The following FXYD6 variants were observed in gnomAD, a reference collection of about 807,000 sequenced individuals.
FXYD6 encodes FXYD domain containing ion transport regulator 6, also known as FXYD domain-containing ion transport regulator 6.
FXYD6 carries 7 observed loss-of-function variants against 16.7 expected under a neutral mutation model. The observed-to-expected ratio is 0.42, with a 90% confidence interval of 0.24 to 0.79. FXYD6 has a LOEUF of 0.79. Among genes scored for constraint, FXYD6 ranks in the 30% least tolerant of loss-of-function variants. The probability of loss-of-function intolerance (pLI) is 0.28; values close to 1 mark genes in which losing one functional copy is unlikely to be tolerated. For synonymous variants in FXYD6, 49 were observed against 43.0 expected, an observed-to-expected ratio of 1.14 and a Z score of -0.54; for missense variants, 111 against 116.2, an observed-to-expected ratio of 0.95 and a Z score of 0.21.
At chr11:117,873,382 A>G (rs1399715298) in intron 1 of FXYD6, among the ~76,000 whole-genome samples, 1 of 152,228 alleles carries the variant, frequency 6.6e-6, no homozygotes, top group Non-Finnish European at 1.5e-5. Context: ...ACAGATGCGG[A>G]AACAAAGGTC....
At chr11:117,850,809 TC>T (rs2056593409) in intron 1 of FXYD6, among the ~76,000 whole-genome samples, 1 of 151,970 alleles carries the variant, frequency 6.6e-6, no homozygotes, top group African/African-American at 2.4e-5. Context: ...TTTTTTTTTT[TC>T]TTATTCCTTT....
At chr11:117,843,195 A>G (rs2056396483) in intron 1 of FXYD6, among the ~76,000 whole-genome samples, 1 of 152,316 alleles carries the variant, frequency 6.6e-6, no homozygotes, top group African/African-American at 2.4e-5. Context: ...TCAGCCTCCC[A>G]AAGGGCTGGG....
chr11:117,844,512 T>A (rs1160921710), intron 1 of FXYD6, among the ~76,000 whole-genome samples: 2 of 152,248 alleles, frequency 1.3e-5, no homozygotes, highest in East Asian at 1.9e-4. Flanking sequence ...TTATTTATTT[T>A]GAGACTGAGT....
chr11:117,840,494 G>T, intron 5 of FXYD6, 126 bp from the exon 6 acceptor site: 1 of 1,281,318 alleles, frequency 7.8e-7, no homozygotes, highest in African/African-American at 1.5e-5. Context: ...TGAGGGGCTG[G>T]AGCTCACTCT....
chr11:117,869,867 GT>G (rs2057096954), intron 1 of FXYD6, among the ~76,000 whole-genome samples: 1 of 1,988 alleles, frequency 5.0e-4, no homozygotes, highest in African/African-American at 5.7e-4. Context: ...TGGTCTTTCA[GT>G]GCGTGCCGGC....
chr11:117,850,208 G>C (rs747433123), intron 1 of FXYD6, among the ~76,000 whole-genome samples: 10 of 151,954 alleles, frequency 6.6e-5, no homozygotes, highest in Non-Finnish European at 1.5e-4. Flanking sequence ...CTTGCTTGGT[G>C]GTCTTCTGAA....
intron 1 of FXYD6, among the ~76,000 whole-genome samples, chr11:117,850,067 A>G (rs959329342): frequency 9.2e-5 from 14 of 152,202 alleles, no homozygotes; most frequent in African/African-American, 3.4e-4. Context: ...CTCAGAATGA[A>G]TCTGCCATTT....
At chr11:117,865,079 A>T (rs2056986587) in intron 1 of FXYD6, among the ~76,000 whole-genome samples, 1 of 152,246 alleles carries the variant, frequency 6.6e-6, no homozygotes, top group African/African-American at 2.4e-5. Context: ...TCTCCAAAGA[A>T]GATATACAAA....
chr11:117,840,610 AGGGCCACATG>A (rs1388328784), intron 5 of FXYD6, among the ~76,000 whole-genome samples: 1 of 152,170 alleles, frequency 6.6e-6, no homozygotes, highest in Non-Finnish European at 1.5e-5. Context: ...AGGGGAGGCT[AGGGCCACATG>A]GGGGCTTGGG....
rs1463768788 is a variant in FXYD6 at position 117,849,554 on chromosome 11, G to A, written c.-5-6773C>T. On this transcript the variant is annotated intron_variant, in intron 1 of 7. Transcript: ENST00000526014. ...TAAATTTCTTTTTTTTTTTTTGACT[G>A]TTTATCCTACCAAAAATCAAGATCA... 2.7e-5 allele frequency among the ~76,000 whole-genome samples: 4 copies of A among 147,256 alleles called. 1 individual carries two copies. The South Asian group carries it at 8.6e-4, about 32-fold the overall frequency.
chr11:117,856,029 T>C (rs745880615), intron 1 of FXYD6, among the ~76,000 whole-genome samples: 2 of 152,116 alleles, frequency 1.3e-5, no homozygotes, highest in African/African-American at 2.4e-5. Flanking sequence ...TTTATCTCCA[T>C]ATTGGCAAGC....
At chr11:117,838,336 G>A in intron 7 of FXYD6, 59 bp from the exon 8 acceptor site, 1 of 701,816 alleles carries the variant, frequency 1.4e-6, no homozygotes, top group South Asian at 1.5e-5. Context: ...ATCCTTATCT[G>A]CTTCTCTCCC....
In FXYD6 at chr11:117,872,329, A is replaced by G. The variant is rs1382144134; in HGVS notation, c.-6+4263T>C. 6.6e-6 allele frequency among the ~76,000 whole-genome samples: 1 copy of G among 152,022 alleles called. No individual in the cohort carries two copies. The highest frequency in any genetic ancestry group is 1.9e-4 in the East Asian group (1 of 5,190). Reference sequence around the variant, plus strand: ...TTGCATGGAGGGGCTCTTCCTATGGAGGAAGAAAGTCGCAGGGCCTCCTGG... The same window carrying G: ...TTGCATGGAGGGGCTCTTCCTATGGGGGAAGAAAGTCGCAGGGCCTCCTGG... On this transcript the variant is annotated intron_variant, in intron 1 of 7. Coordinates refer to ENST00000526014, the MANE Select transcript of FXYD6 (RefSeq NM_022003.4). This position sits in a 1 kb window ranked among gnomAD's most constrained non-coding sequence, Gnocchi z 4.9.
At chr11:117,853,615 C>T (rs2056656224) in intron 1 of FXYD6, among the ~76,000 whole-genome samples, 1 of 152,162 alleles carries the variant, frequency 6.6e-6, no homozygotes, top group Non-Finnish European at 1.5e-5. Context: ...CCTCAGCCTC[C>T]CTAGTAGCTG....
intron 1 of FXYD6, among the ~76,000 whole-genome samples, chr11:117,865,438 C>CAAT (rs1314616826): frequency 2.0e-5 from 3 of 152,194 alleles, no homozygotes; most frequent in African/African-American, 7.2e-5. Context: ...GCATTATTCA[C>CAAT]AATAGCTAAA....
rs569314772 is a variant in FXYD6, at chr11:117,854,717, T to C, written c.-5-11936A>G. The stretch of plus-strand genomic sequence containing the variant: ...CAACAGGGAGCTAGGGAAGTTTCCG[T>C]GGAGGAGCTGACATTCCAGCGGAAC... On this transcript the variant is annotated intron_variant, in intron 1 of 7. Transcript: ENST00000526014. 8.5e-5 allele frequency among the ~76,000 whole-genome samples: 13 copies of C among 152,200 alleles called. No individual in the cohort carries two copies. The East Asian group carries it at 2.5e-3, about 29-fold the overall frequency.
intron 1 of FXYD6, among the ~76,000 whole-genome samples, chr11:117,861,866 C>T (rs867239676): frequency 2.0e-5 from 3 of 152,220 alleles, no homozygotes; most frequent in East Asian, 1.9e-4. Context: ...CACTGGCTCC[C>T]GGCCACTGCC....
Position 117,870,196 on chromosome 11 carries a change from T to A in FXYD6, c.-6+6396A>T, listed in dbSNP as rs2057104670. ...GCGCCTTGCCCAGAGGGAGTCAGAG[T>A]GGGATTCAGGCCTCCTGCCTGCCAG... is the stretch of plus-strand genomic sequence containing the variant. On this transcript the variant is annotated intron_variant, in intron 1 of 7. Transcript: ENST00000526014. This position sits in a 1 kb window ranked among gnomAD's most constrained non-coding sequence, Gnocchi z 4.2. 6.6e-6 allele frequency among the ~76,000 whole-genome samples: 1 copy of A among 152,012 alleles called. No homozygotes were observed. Among genetic ancestry groups the A allele is most frequent in the Non-Finnish European group, 1.5e-5 (1 of 67,988 alleles).
intron 1 of FXYD6, among the ~76,000 whole-genome samples, chr11:117,876,042 T>TCC (rs1198870635): frequency 1.3e-5 from 2 of 151,968 alleles, no homozygotes; most frequent in Admixed American, 1.3e-4. Context: ...CTCTCATGAA[T>TCC]CCCCGAGCGC....
Sources: allele counts gnomAD v4.1 joint callset (sites outside exome capture counted in the v4.1 genomes callset), GRCh38; gene constraint gnomAD v4.1.1; non-coding constraint Gnocchi (gnomAD v3.1); transcripts MANE v1.5; gene names NCBI Gene and HGNC (gene_info 2026-07-23, HGNC 2026-07-21).